Variants in GALNT17 observed in about 807,000 individuals in gnomAD.
GALNT17 encodes the protein UDP-GalNAc:polypeptide N-acetylgalactosaminyltransferase-like 3.
Under a neutral mutation model 63.7 loss-of-function variants are expected in GALNT17, and 29 were observed. The ratio of observed to expected loss-of-function variants is 0.46; its 90% CI spans 0.34 to 0.62. The LOEUF is 0.62. Ranked by LOEUF, GALNT17 falls within the 20% of genes least tolerant of loss-of-function variation. GALNT17 has a pLI of 0.01. For synonymous variants in GALNT17, 305 were observed against 318.3 expected, an observed-to-expected ratio of 0.96 and a Z score of 0.45; for missense variants, 603 against 799.6, an observed-to-expected ratio of 0.75 and a Z score of 2.97.
intron 1 of GALNT17, among the ~76,000 whole-genome samples, chr7:71,176,024 A>G (rs915456226): frequency 1.3e-5 from 2 of 152,144 alleles, no homozygotes; most frequent in Non-Finnish European, 2.9e-5. Flanking sequence ...GTCTGTAGTC[A>G]TTTGAAGCCT....
chr7:71,229,587 T>C (rs1406325041), intron 1 of GALNT17, among the ~76,000 whole-genome samples: 1 of 152,202 alleles, frequency 6.6e-6, no homozygotes, highest in Non-Finnish European at 1.5e-5. Flanking sequence ...GGGACACTTG[T>C]GATCCATTTC....
chr7:71,268,097 G>A (rs942653166), intron 1 of GALNT17, among the ~76,000 whole-genome samples: 10 of 152,136 alleles, frequency 6.6e-5, no homozygotes, highest in African/African-American at 1.9e-4. Context: ...CACAAGATTC[G>A]TCCTGCAGCC....
intron 6 of GALNT17, among the ~76,000 whole-genome samples, chr7:71,639,695 C>T (rs1226403125): frequency 2.0e-5 from 3 of 152,320 alleles, no homozygotes; most frequent in South Asian, 2.1e-4. Context: ...AAATGCTGTG[C>T]GAACATGCAC....
intron 2 of GALNT17, among the ~76,000 whole-genome samples, chr7:71,369,050 G>A (rs528618695): frequency 5.9e-5 from 9 of 152,220 alleles, no homozygotes; most frequent in African/African-American, 1.9e-4. Flanking sequence ...TTTTCAGCCA[G>A]GAATGAGATA....
At chr7:71,443,443 T>G (rs1324483823) in intron 5 of GALNT17, among the ~76,000 whole-genome samples, 1 of 152,236 alleles carries the variant, frequency 6.6e-6, no homozygotes, top group Non-Finnish European at 1.5e-5. Context: ...GACAGACCCC[T>G]CATGAATGGC....
intron 1 of GALNT17, among the ~76,000 whole-genome samples, chr7:71,229,797 G>T (rs1254832385): frequency 6.6e-6 from 1 of 152,174 alleles, no homozygotes; most frequent in Non-Finnish European, 1.5e-5. Flanking sequence ...CCTCCACCTA[G>T]TTCGATGTCT....
intron 5 of GALNT17, among the ~76,000 whole-genome samples, chr7:71,525,519 G>A (rs1158766118): frequency 1.3e-5 from 2 of 151,306 alleles, no homozygotes; most frequent in Admixed American, 1.3e-4. Flanking sequence ...TGTTCTTGTG[G>A]TAATGAGTAA....
intron 5 of GALNT17, among the ~76,000 whole-genome samples, chr7:71,487,039 G>A (rs4286834): frequency 0.05 from 7,566 of 152,194 alleles, 656 homozygotes; most frequent in African/African-American, 0.17. Flanking sequence ...TGTGGGACAC[G>A]AAGCTTCAGC....
At chr7:71,358,934 C>A (rs999476790) in intron 2 of GALNT17, among the ~76,000 whole-genome samples, 1 of 152,058 alleles carries the variant, frequency 6.6e-6, no homozygotes, top group African/African-American at 2.4e-5. Context: ...CCACCACATC[C>A]GGCTACTTTT....
At chr7:71,710,645 G>T (rs897052232) in intron 9 of GALNT17, 116 bp from the exon 10 acceptor site, 1 of 1,196,788 alleles carries the variant, frequency 8.4e-7, no homozygotes, top group Admixed American at 2.0e-5. Context: ...ATGGTGGCCA[G>T]GACTGCAGTA....
intron 6 of GALNT17, among the ~76,000 whole-genome samples, chr7:71,643,000 C>A (rs1472830142): frequency 6.6e-6 from 1 of 152,126 alleles, no homozygotes; most frequent in African/African-American, 2.4e-5. Context: ...CCAGGGGTGG[C>A]AAGAAAATAC....
intron 5 of GALNT17, among the ~76,000 whole-genome samples, chr7:71,472,635 G>A (rs996297775): frequency 1.3e-5 from 2 of 152,180 alleles, no homozygotes; most frequent in South Asian, 2.1e-4. Context: ...TCAGTGAGCC[G>A]AGATCGTGTC....
chr7:71,433,660 T>C (rs1019235908), intron 5 of GALNT17, among the ~76,000 whole-genome samples: 4 of 152,130 alleles, frequency 2.6e-5, no homozygotes. Flanking sequence ...GTCCCTTCTT[T>C]TGTCAGAGCA....
intron 6 of GALNT17, among the ~76,000 whole-genome samples, chr7:71,630,730 G>C (rs1790442972): frequency 6.6e-6 from 1 of 152,234 alleles, no homozygotes; most frequent in African/African-American, 2.4e-5. Flanking sequence ...GCAGGCCAGA[G>C]ACTGAATTCA....
At chr7:71,673,765 T>C (rs1430677761) in intron 8 of GALNT17, among the ~76,000 whole-genome samples, 2 of 152,108 alleles carry the variant, frequency 1.3e-5, no homozygotes, top group African/African-American at 2.4e-5. Flanking sequence ...CAGGTACATA[T>C]CATCACATCT....
rs1787703507 is a variant in GALNT17 at position 71,132,669 on chromosome 7, G to A, written c.-134G>A. 1.4e-6 allele frequency: 1 copy of A among 709,450 alleles called. No individual in the cohort carries two copies. The highest frequency in any genetic ancestry group is 2.3e-6 in the Non-Finnish European group (1 of 440,802). 43.9% of individuals were successfully genotyped at this position (709,450 alleles called of 1,614,324 possible). ...CCGTCTCCGCCGCCCGAGCATCCTT[G>A]AGGTGGGACGAGCAGGGGCTTGGAT... On this transcript the variant is annotated 5_prime_UTR_variant, in exon 1 of 11. Coordinates refer to ENST00000333538, the MANE Select transcript of GALNT17 (RefSeq NM_022479.3).
intron 1 of GALNT17, among the ~76,000 whole-genome samples, chr7:71,296,767 G>A (rs1791088457): frequency 6.6e-6 from 1 of 151,608 alleles, no homozygotes; most frequent in Admixed American, 6.6e-5. Flanking sequence ...TATCCTGTAA[G>A]TAAAGTATGA....
At chr7:71,544,297 ATTT>A (rs754061155) in intron 5 of GALNT17, among the ~76,000 whole-genome samples, 73 of 116,884 alleles carry the variant, frequency 6.2e-4, no homozygotes, top group Middle Eastern at 5.1e-3. Flanking sequence ...ACGCCCGGCT[ATTT>A]TTTTTTTTTT....
chr7:71,466,384 T>C (rs974887225), intron 5 of GALNT17, among the ~76,000 whole-genome samples: 1 of 152,184 alleles, frequency 6.6e-6, no homozygotes, highest in African/African-American at 2.4e-5. Flanking sequence ...AAACAGACTC[T>C]TTGTAGCAAT....
Sources: allele counts gnomAD v4.1 joint callset (sites outside exome capture counted in the v4.1 genomes callset), GRCh38; gene constraint gnomAD v4.1.1; transcripts MANE v1.5; gene names NCBI Gene and HGNC (gene_info 2026-07-23, HGNC 2026-07-21).